Variants in PHF12 observed in about 807,000 individuals in gnomAD.
PHF12 encodes PHD factor 1.
Under a neutral mutation model 99.8 loss-of-function variants are expected in PHF12, and 6 were observed. The ratio of observed to expected loss-of-function variants is 0.06; its 90% CI spans 0.03 to 0.12. The LOEUF is 0.12. Ranked by LOEUF, PHF12 falls within the 10% of genes least tolerant of loss-of-function variation. The pLI is 1.00. For synonymous variants in PHF12, 480 were observed against 514.9 expected (o/e 0.93, Z 0.92); for missense variants, 954 against 1,300.1 (o/e 0.73, Z 4.09).
chr17:28,911,944 C>T (rs1238048855), intron 9 of PHF12, among the ~76,000 whole-genome samples: 1 of 152,270 alleles, frequency 6.6e-6, no homozygotes, highest in Non-Finnish European at 1.5e-5. Flanking sequence ...CTAGAACAAT[C>T]CCTGTGGGCA....
At position 28,912,925 on chromosome 17, in the gene PHF12, C is replaced by T; in HGVS notation, c.1646G>A (p.Gly549Asp). The T allele has an allele frequency of 6.2e-7, 1 of 1,614,200 alleles. No homozygotes were observed. Among genetic ancestry groups the T allele is most frequent in the Non-Finnish European group, 8.5e-7 (1 of 1,180,030 alleles). Residue 549 changes from glycine (G) to aspartate (D), a missense_variant, in exon 9 of 15, where the codon GGC becomes GAC. Coordinates refer to ENST00000332830, the MANE Select transcript of PHF12 (RefSeq NM_001033561.2). ...GPVNTEVKAN[G>D]PHLYSSPTDS... ...AGTAGGGCTGCTGTAGAGGTGTGGG[C>T]CATTAGCTTTCACCTCTGTGTTCAC...
rs573043520 is a variant in PHF12, at chr17:28,949,368, C to A, written c.248+697G>T. Reference sequence around the variant, plus strand: ...AGAGGCAACAGGGGGCAAGCGGAGGCAGAGAAAGGGGATCAAAGCGGCGAG... The same window carrying A: ...AGAGGCAACAGGGGGCAAGCGGAGGAAGAGAAAGGGGATCAAAGCGGCGAG... On this transcript the variant is annotated intron_variant, in intron 2 of 14. Transcript: ENST00000332830. The surrounding 1 kb of genome is among the most constrained non-coding windows in gnomAD (Gnocchi z 4.6). Among the ~76,000 whole-genome samples, 17 of 152,174 alleles carry A rather than the reference C, an allele frequency of 1.1e-4. No individual in the cohort carries two copies. Among genetic ancestry groups the A allele is most frequent in the Non-Finnish European group, 1.9e-4 (13 of 67,984 alleles).
chr17:28,906,275 C>T lies in PHF12; in HGVS notation c.2923G>A (p.Asp975Asn), dbSNP rs765509967. 20 of 1,614,014 alleles carry T rather than the reference C, an allele frequency of 1.2e-5. No individual in the cohort carries two copies. Among genetic ancestry groups the T allele is most frequent in the East Asian group, 6.7e-5 (3 of 44,884 alleles). The change falls in exon 15 of 15, where the codon GAT (aspartate) becomes AAT (asparagine). Residue 975 changes from aspartate to asparagine, a missense_variant. Coordinates refer to ENST00000332830, the MANE Select transcript of PHF12 (RefSeq NM_001033561.2). The surrounding 1 kb of genome is among the most constrained non-coding windows in gnomAD (Gnocchi z 4.2). ...ACCCCATCCTGCAGCAGGCTGGCAT[C>T]GCCTTTGGGCTGTTTGGTCGCAAAC... ...TEFATKQPKG[D>N]ASLLQDGVLA...
chr17:28,913,372 G>A, intron 8 of PHF12, 95 bp from the exon 9 acceptor site: 2 of 1,501,666 alleles, frequency 1.3e-6, no homozygotes, highest in Non-Finnish European at 1.8e-6. Flanking sequence ...CTGACAAGCA[G>A]TTTCCGAGGT....
At chr17:28,942,317 C>T (rs761686157) in intron 2 of PHF12, among the ~76,000 whole-genome samples, 29 of 151,410 alleles carry the variant, frequency 1.9e-4, no homozygotes, top group Non-Finnish European at 4.0e-4. Flanking sequence ...GACAGGAGTT[C>T]GAGAACAGCC....
intron 10 of PHF12, 162 bp downstream of exon 10, chr17:28,910,950 A>G: frequency 1.1e-6 from 1 of 943,334 alleles, no homozygotes; most frequent in Non-Finnish European, 1.5e-6. Flanking sequence ...TTTCTTTTTC[A>G]CCCCGCCCCC....
rs572996830 is a variant in PHF12, at chr17:28,950,886, C to A, written c.66+9G>T. The A allele has an allele frequency of 1.9e-6, 3 of 1,612,984 alleles. No homozygotes were observed. The highest frequency in any genetic ancestry group is 2.2e-5 in the South Asian group (2 of 90,978). On this transcript the variant is annotated intron_variant, in intron 1 of 14. Transcript: ENST00000332830. The surrounding 1 kb of genome is among the most constrained non-coding windows in gnomAD (Gnocchi z 5.7). ...GCTGGAGGAAGGAGATGAGGAGGGC[C>A]ACTCTTACCTCCATCAGCCCCCCTG...
Position 28,914,073 on chromosome 17 carries a change from G to A in PHF12, c.1135-36C>T, listed in dbSNP as rs199749397. 1.0e-3 allele frequency: 1,585 copies of A among 1,563,358 alleles called. 7 individuals are homozygous for A. The Middle Eastern group carries it at 0.022, about 21-fold the overall frequency. On this transcript the variant is annotated intron_variant, in intron 7 of 14. Transcript: ENST00000332830. ...TAGATAGAAGGAGGAAGGAGAGGGA[G>A]ATAGTTCCAACATGTCTAGTTGATT...
At position 28,914,044 on chromosome 17, in the gene PHF12, A is replaced by AGGATAGATAGAAGGAGGAAGGAGAGGG. The variant is rs767796029; in HGVS notation, c.1135-34_1135-8dup. 8.8e-6 allele frequency: 14 copies of AGGATAGATAGAAGGAGGAAGGAGAGGG among 1,594,544 alleles called. No homozygotes were observed. The East Asian group carries it at 3.2e-4, about 36-fold the overall frequency. ...ATTTTATAGCATCAGGAACCTGTTC[A>AGGATAGATAGAAGGAGGAAGGAGAGGG]GGATAGATAGAAGGAGGAAGGAGAG... On this transcript the variant is annotated splice_polypyrimidine_tract_variant and splice_region_variant and intron_variant, in intron 7 of 14. Transcript: ENST00000332830.
In PHF12 at chr17:28,949,300, G is replaced by A. The variant is rs2040767859; in HGVS notation, c.248+765C>T. On this transcript the variant is annotated intron_variant, in intron 2 of 14. Coordinates refer to ENST00000332830, the MANE Select transcript of PHF12 (RefSeq NM_001033561.2). This position sits in a 1 kb window ranked among gnomAD's most constrained non-coding sequence, Gnocchi z 4.6. Reference sequence around the variant, plus strand: ...CGATTTCCTAAGAGGCAGCGGCGCCGGGAGGGAGGAGGGAAGAGGGAGGAG... The same window carrying A: ...CGATTTCCTAAGAGGCAGCGGCGCCAGGAGGGAGGAGGGAAGAGGGAGGAG... Among the ~76,000 whole-genome samples the A allele has an allele frequency of 6.6e-6, 1 of 152,150 alleles. No individual in the cohort carries two copies. Among genetic ancestry groups the A allele is most frequent in the Non-Finnish European group, 1.5e-5 (1 of 68,024 alleles).
rs1333481576 is a variant in PHF12 at position 28,951,136 on chromosome 17, G to A, written c.-176C>T. On this transcript the variant is annotated 5_prime_UTR_variant, in exon 1 of 15. Coordinates refer to ENST00000332830, the MANE Select transcript of PHF12 (RefSeq NM_001033561.2). ...CCGGCCCCCAGTCCCCGGGACGACA[G>A]CGTCCTCCCGACGGGCCGCGAGGGG... is the stretch of plus-strand genomic sequence containing the variant. 2 of 1,433,254 alleles carry A rather than the reference G, an allele frequency of 1.4e-6. No individual in the cohort carries two copies. The highest frequency in any genetic ancestry group is 1.8e-6 in the Non-Finnish European group (2 of 1,096,886). The allele number at this position is 1,433,254 out of a possible 1,614,324, so 88.8% of individuals were successfully genotyped here.
chr17:28,946,274 G>C (rs1416418392), intron 2 of PHF12, among the ~76,000 whole-genome samples: 2 of 152,126 alleles, frequency 1.3e-5, no homozygotes, highest in Admixed American at 1.3e-4. Context: ...TAATCAAAAA[G>C]ACATCAGTTC....
At chr17:28,908,657 C>T (rs2039910352) in intron 12 of PHF12, 126 bp downstream of exon 12, 1 of 845,106 alleles carries the variant, frequency 1.2e-6, no homozygotes, top group African/African-American at 1.7e-5. Flanking sequence ...TCTAGCTATC[C>T]ACTGATTTAA....
rs1567950300 is a variant in PHF12, at chr17:28,912,651, A to G, written c.1920T>C (p.Thr640=). The change falls in exon 9 of 15, where the codon ACT becomes ACC. Residue 640 remains threonine, a synonymous_variant. Coordinates refer to ENST00000332830, the MANE Select transcript of PHF12 (RefSeq NM_001033561.2). ...SSCASIENTS[T]LQRKTVQSQI... is the part of the protein sequence containing the mutation. ...GTGATTGGACAGTCTTTCTTTGCAA[A>G]GTGCTGGTGTTCTCGATGCTGGCAC... The G allele has an allele frequency of 1.9e-6, 3 of 1,614,152 alleles. No individual in the cohort carries two copies. Among genetic ancestry groups the G allele is most frequent in the Admixed American group, 1.7e-5 (1 of 60,028 alleles).
At chr17:28,948,979 G>A (rs1340862405) in intron 2 of PHF12, among the ~76,000 whole-genome samples, 1 of 152,148 alleles carries the variant, frequency 6.6e-6, no homozygotes, top group Non-Finnish European at 1.5e-5. Context: ...GCAGAAGATG[G>A]AGTTTAAACT....
intron 2 of PHF12, among the ~76,000 whole-genome samples, chr17:28,933,924 G>C (rs1248502818): frequency 6.6e-6 from 1 of 152,116 alleles, no homozygotes; most frequent in Non-Finnish European, 1.5e-5. Flanking sequence ...GCATGCATCT[G>C]TAGTCCCAGC....
At position 28,951,105 on chromosome 17, in the gene PHF12, C is replaced by A. The variant is rs998252544; in HGVS notation, c.-145G>T. Reference sequence around the variant, plus strand: ...CGACTTCCTCGCCCTGGCTCCCCCCCACCCCCCGGCCCCCAGTCCCCGGGA... The same window carrying A: ...CGACTTCCTCGCCCTGGCTCCCCCCAACCCCCCGGCCCCCAGTCCCCGGGA... On this transcript the variant is annotated 5_prime_UTR_variant, in exon 1 of 15. Transcript: ENST00000332830. 8.2e-6 allele frequency: 12 copies of A among 1,459,532 alleles called. No homozygotes were observed. The highest frequency in any genetic ancestry group is 2.5e-5 in the East Asian group (1 of 39,582). 90.4% of individuals were successfully genotyped at this position (1,459,532 alleles called of 1,614,324 possible).
chr17:28,908,817 C>G lies in PHF12; in HGVS notation c.2424G>C (p.Val808=), dbSNP rs1167914479. 3 of 1,613,918 alleles carry G rather than the reference C, an allele frequency of 1.9e-6. No homozygotes were observed. The highest frequency in any genetic ancestry group is 2.2e-5 in the South Asian group (2 of 91,068). Residue 808 remains valine (V), a synonymous_variant, in exon 12 of 15, where the codon GTG becomes GTC. Transcript: ENST00000332830. ...TGTAGAGGGTTCGATAGCACATGTT[C>G]ACAGCTCCTCCCAACCCTAAGAGGG... ...FYPLLGLGGA[V]NMCYRTLYIG...
At chr17:28,921,538 C>T (rs1018012865) in intron 5 of PHF12, 150 bp downstream of exon 5, 20 of 1,009,868 alleles carry the variant, frequency 2.0e-5, no homozygotes, top group Middle Eastern at 2.8e-4. Context: ...ATTCAAGGCT[C>T]TCGTCAGTCC....
Sources: allele counts gnomAD v4.1 joint callset (sites outside exome capture counted in the v4.1 genomes callset), GRCh38; gene constraint gnomAD v4.1.1; non-coding constraint Gnocchi (gnomAD v3.1); transcripts MANE v1.5; gene names NCBI Gene and HGNC (gene_info 2026-07-23, HGNC 2026-07-21).